Variants in EPHA8 observed in about 807,000 individuals in gnomAD.
EPHA8 encodes ephrin type-A receptor 8.
In EPHA8, 58 loss-of-function variants were observed where a neutral mutation model predicts 103.6. That is an observed-to-expected ratio of 0.56 (90% CI 0.45 to 0.70). The LOEUF (loss-of-function observed/expected upper bound fraction) is 0.70, where lower values mean the gene tolerates loss of function less well. Ranked by LOEUF, EPHA8 falls within the 30% of genes least tolerant of loss-of-function variation. EPHA8 has a pLI of 0.00. For missense variants in EPHA8, 1,304 were observed against 1,395.2 expected (o/e 0.93, Z 1.04); for synonymous variants, 559 against 572.5 (o/e 0.98, Z 0.34).
rs1357291066 is a variant in EPHA8, at chr1:22,602,489, A to G, written c.*748A>G. 1 of 152,988 alleles carries G rather than the reference A, an allele frequency of 6.5e-6. No individual in the cohort carries two copies. The highest frequency in any genetic ancestry group is 2.4e-5 in the African/African-American group (1 of 41,450). The allele number at this position is 152,988 out of a possible 1,614,324, so 9.5% of individuals were successfully genotyped here. A position where few individuals can be genotyped will look rare whatever the true frequency, so the allele number is the denominator to read the frequency against. On this transcript the variant is annotated 3_prime_UTR_variant, in exon 17 of 17. Coordinates refer to ENST00000166244, the MANE Select transcript of EPHA8 (RefSeq NM_020526.5). ...GCTCTCACCGCTGCTTCAACAGGAAAACAGGGTTCCCGGTCAGTCCGGCTG... is the reference window on the plus strand; with the variant it reads ...GCTCTCACCGCTGCTTCAACAGGAAGACAGGGTTCCCGGTCAGTCCGGCTG...
chr1:22,576,065 G>T lies in EPHA8; in HGVS notation c.160-152G>T. 1 of 801,984 alleles carries T rather than the reference G, an allele frequency of 1.2e-6. No individual in the cohort carries two copies. 49.7% of individuals were successfully genotyped at this position (801,984 alleles called of 1,614,324 possible). ...AGATCGTGGCCCTCTTCGAGATCAT[G>T]TCTGCAGGGGGCCTGGCATCTAGTA... On this transcript the variant is annotated intron_variant, in intron 2 of 16. Transcript: ENST00000166244. The surrounding 1 kb of genome is among the most constrained non-coding windows in gnomAD (Gnocchi z 4.8).
At chr1:22,601,498 C>G (rs939525385) in intron 16 of EPHA8, 25 bp downstream of exon 16, 1 of 1,608,488 alleles carries the variant, frequency 6.2e-7, no homozygotes, top group African/African-American at 1.3e-5. Flanking sequence ...GGGCTGGGGC[C>G]CCATGCGTGT....
Position 22,589,252 on chromosome 1 carries a change from C to A in EPHA8, c.1315+46C>A. On this transcript the variant is annotated intron_variant, in intron 5 of 16. Transcript: ENST00000166244. This position sits in a 1 kb window ranked among gnomAD's most constrained non-coding sequence, Gnocchi z 4.3. ...CCGCAGCGTCCTGGTCCCCCAGCTT[C>A]CCCTGCCTCAGACCCATCCAGGGAT... 7 of 1,614,062 alleles carry A rather than the reference C, an allele frequency of 4.3e-6. No individual in the cohort carries two copies. Among genetic ancestry groups the A allele is most frequent in the Non-Finnish European group, 5.9e-6 (7 of 1,180,018 alleles).
intron 3 of EPHA8, among the ~76,000 whole-genome samples, chr1:22,578,417 CAT>C (rs1395703475): frequency 9.6e-6 from 1 of 104,684 alleles, no homozygotes; most frequent in African/African-American, 3.8e-5. Context: ...TGCATGTCTG[CAT>C]GTGTACGTAT....
chr1:22,586,442 C>G, intron 3 of EPHA8, 38 bp from the exon 4 acceptor site: 2 of 1,603,964 alleles, frequency 1.2e-6, no homozygotes, highest in Non-Finnish European at 1.7e-6. Flanking sequence ...GCCAGGGTGG[C>G]CCTGCTGGCT....
In EPHA8 at chr1:22,598,112, C is replaced by A. The variant is rs1282339725; in HGVS notation, c.2117-39C>A. The A allele has an allele frequency of 6.2e-7, 1 of 1,607,830 alleles. No homozygotes were observed. The highest frequency in any genetic ancestry group is 8.5e-7 in the Non-Finnish European group (1 of 1,175,178). On this transcript the variant is annotated intron_variant, in intron 11 of 16. Coordinates refer to ENST00000166244, the MANE Select transcript of EPHA8 (RefSeq NM_020526.5). This position sits in a 1 kb window ranked among gnomAD's most constrained non-coding sequence, Gnocchi z 5.1. Reference sequence around the variant, plus strand: ...GGGTCTCTGATCAGCAGCCCTGAGCCCCAAACCAAGAGCCACCCTCTCCCT... The same window carrying A: ...GGGTCTCTGATCAGCAGCCCTGAGCACCAAACCAAGAGCCACCCTCTCCCT...
In EPHA8 at chr1:22,600,777, G is replaced by C; in HGVS notation, c.2505G>C (p.Gly835=). 1.1e-5 allele frequency: 17 copies of C among 1,611,320 alleles called. No homozygotes were observed. The highest frequency in any genetic ancestry group is 1.4e-5 in the Non-Finnish European group (17 of 1,178,622). Reference sequence around the variant, plus strand: ...TCATGTGGGAGGTGCTGGCCTATGGGGAGCGGCCCTACTGGAACATGACCA... The same window carrying C: ...TCATGTGGGAGGTGCTGGCCTATGGCGAGCGGCCCTACTGGAACATGACCA... ...GVVMWEVLAY[G]ERPYWNMTNR... The change falls in exon 14 of 17, where the codon GGG becomes GGC. Residue 835 remains glycine (G), a synonymous_variant. Coordinates refer to ENST00000166244, the MANE Select transcript of EPHA8 (RefSeq NM_020526.5).
intron 3 of EPHA8, among the ~76,000 whole-genome samples, chr1:22,580,127 CTTTTTTTTTTT>C (rs764600240): frequency 0.12 from 11,279 of 97,520 alleles, 617 homozygotes; most frequent in South Asian, 0.23. Context: ...CTTTCTTTCT[CTTTTTTTTTTT>C]TTTTTTTTTT....
intron 5 of EPHA8, among the ~76,000 whole-genome samples, chr1:22,592,965 G>T (rs1023235175): frequency 6.6e-6 from 1 of 152,200 alleles, no homozygotes; most frequent in African/African-American, 2.4e-5. Flanking sequence ...TGAGGGGCCA[G>T]TTCCTCCATT....
rs775235481 is a variant in EPHA8 at position 22,595,291 on chromosome 1, G to C, written c.1665G>C (p.Val555=). ...GCCTGACGCTCATCACGGGCCTGGT[G>C]GTGCTTCTGCTCCTGCTCATCTGCA... ...WICLTLITGL[V]VLLLLLICKK... is the part of the protein sequence containing the mutation. The change falls in exon 8 of 17, where the codon GTG becomes GTC. Residue 555 remains valine (V), a synonymous_variant. Transcript: ENST00000166244. The C allele has an allele frequency of 1.2e-6, 2 of 1,613,810 alleles. No homozygotes were observed. Among genetic ancestry groups the C allele is most frequent in the Middle Eastern group, 1.7e-4 (1 of 6,058 alleles).
intron 7 of EPHA8, among the ~76,000 whole-genome samples, chr1:22,594,571 C>A (rs1641465345): frequency 6.6e-6 from 1 of 152,368 alleles, no homozygotes; most frequent in East Asian, 1.9e-4. Context: ...CCCTTTCACT[C>A]TCCTCCTGCC....
intron 2 of EPHA8, among the ~76,000 whole-genome samples, chr1:22,575,163 C>T (rs183002235): frequency 2.6e-5 from 4 of 152,230 alleles, no homozygotes; most frequent in Admixed American, 2.6e-4. Context: ...GTTGGCCAGG[C>T]TGGTCTTGAA....
rs569155546 is a variant in EPHA8 at position 22,567,955 on chromosome 1, A to G, written c.95-1334A>G. Among the ~76,000 whole-genome samples the G allele has an allele frequency of 6.6e-6, 1 of 152,348 alleles. No individual in the cohort carries two copies. Among genetic ancestry groups the G allele is most frequent in the East Asian group, 1.9e-4 (1 of 5,178 alleles). ...TCACCAGCTAGATCAAAAGGAAGCAAAGAGGTGAAGGGACTTAACCAAGGA... is the reference window on the plus strand; with the variant it reads ...TCACCAGCTAGATCAAAAGGAAGCAGAGAGGTGAAGGGACTTAACCAAGGA... On this transcript the variant is annotated intron_variant, in intron 1 of 16. Transcript: ENST00000166244. The surrounding 1 kb of genome is among the most constrained non-coding windows in gnomAD (Gnocchi z 4.2).
Position 22,593,705 on chromosome 1 carries a change from C to T in EPHA8, c.1603+19C>T, listed in dbSNP as rs758472990. On this transcript the variant is annotated intron_variant, in intron 7 of 16. Coordinates refer to ENST00000166244, the MANE Select transcript of EPHA8 (RefSeq NM_020526.5). ...AAACCCCGTGAGTGCAGGGAGGGGG[C>T]GTGGGCGCGGAGCAGCCCAGGTGCC... 9.0e-6 allele frequency: 14 copies of T among 1,560,352 alleles called. No individual in the cohort carries two copies. The Middle Eastern group carries it at 1.0e-3, about 116-fold the overall frequency.
In EPHA8 at chr1:22,586,503, T is replaced by G. The variant is rs750491008; in HGVS notation, c.847T>G (p.Ser283Ala). ...AGCCTGTGAGCTGGGCTTCTACAAG[T>G]CAGCCCCTGGGGACCAGCTGTGTGC... is the stretch of plus-strand genomic sequence containing the variant. ...CVACELGFYK[S>A]APGDQLCARC... Residue 283 changes from serine (S) to alanine (A), a missense_variant, in exon 4 of 17, where the codon TCA becomes GCA. Coordinates refer to ENST00000166244, the MANE Select transcript of EPHA8 (RefSeq NM_020526.5). 2 of 1,613,612 alleles carry G rather than the reference T, an allele frequency of 1.2e-6. No homozygotes were observed. The highest frequency in any genetic ancestry group is 1.7e-6 in the Non-Finnish European group (2 of 1,179,864).
intron 1 of EPHA8, among the ~76,000 whole-genome samples, chr1:22,568,242 C>T (rs1201931723): frequency 6.6e-6 from 1 of 152,218 alleles, no homozygotes; most frequent in East Asian, 1.9e-4. Context: ...TAATAAGTAG[C>T]TGCCTTGAGA....
In EPHA8 at chr1:22,601,851, C is replaced by T. The variant is rs1050344196; in HGVS notation, c.*110C>T. On this transcript the variant is annotated 3_prime_UTR_variant, in exon 17 of 17. Coordinates refer to ENST00000166244, the MANE Select transcript of EPHA8 (RefSeq NM_020526.5). ...AGGGCGGCCCCAGGCCTCTGCCCTCCTCTCAGGTGCTGGAGGAGCTGAAGG... is the reference window on the plus strand; with the variant it reads ...AGGGCGGCCCCAGGCCTCTGCCCTCTTCTCAGGTGCTGGAGGAGCTGAAGG... 41 of 1,047,124 alleles carry T rather than the reference C, an allele frequency of 3.9e-5. No individual in the cohort carries two copies. Among genetic ancestry groups the T allele is most frequent in the African/African-American group, 6.5e-5 (4 of 61,346 alleles). The allele number at this position is 1,047,124 out of a possible 1,614,324, so 64.9% of individuals were successfully genotyped here.
chr1:22,584,287 C>T (rs1016703394), intron 3 of EPHA8, among the ~76,000 whole-genome samples: 5 of 152,324 alleles, frequency 3.3e-5, no homozygotes, highest in South Asian at 2.1e-4. Context: ...AGACTCCTCA[C>T]GACTCCGAGC....
chr1:22,575,455 C>T (rs554468646), intron 2 of EPHA8, among the ~76,000 whole-genome samples: 11 of 152,150 alleles, frequency 7.2e-5, no homozygotes, highest in African/African-American at 2.6e-4. Flanking sequence ...CTGTTGTTGT[C>T]GAGTTGTGGG....
Sources: allele counts gnomAD v4.1 joint callset (sites outside exome capture counted in the v4.1 genomes callset), GRCh38; gene constraint gnomAD v4.1.1; non-coding constraint Gnocchi (gnomAD v3.1); transcripts MANE v1.5; gene names NCBI Gene and HGNC (gene_info 2026-07-23, HGNC 2026-07-21).